SPEN: variants seen among roughly 807,000 people sequenced by gnomAD.
The protein encoded by SPEN is msx2-interacting protein.
A neutral mutation model predicts 269.9 loss-of-function variants in SPEN; 18 were observed. The observed-to-expected ratio is 0.07, with a 90% CI of 0.05 to 0.10. The LOEUF (loss-of-function observed/expected upper bound fraction) is 0.10, where lower values mean the gene tolerates loss of function less well. SPEN is among the 10% of genes least tolerant of loss of function. SPEN has a pLI of 1.00. For synonymous variants in SPEN, 1,726 were observed against 1,765.7 expected, an observed-to-expected ratio of 0.98 and a Z score of 0.56; for missense variants, 3,822 against 4,631.2, an observed-to-expected ratio of 0.83 and a Z score of 5.07.
At chr1:15,852,827 C>G (rs576532950) in intron 1 of SPEN, among the ~76,000 whole-genome samples, 12 of 152,286 alleles carry the variant, frequency 7.9e-5, no homozygotes, top group African/African-American at 2.9e-4. Flanking sequence ...TGAAAATATT[C>G]CATGAAAACC....
In SPEN at chr1:15,920,226, C is replaced by T. The variant is rs925418523; in HGVS notation, c.1636-644C>T. ...CTGGGATTACAGGTGTGTGCCACCA[C>T]GCCTGGCTAGTTTTGTATTTTTAGT... is the stretch of plus-strand genomic sequence containing the variant. On this transcript the variant is annotated intron_variant, in intron 8 of 14. Transcript: ENST00000375759. Among the ~76,000 whole-genome samples the T allele has an allele frequency of 8.5e-5, 13 of 152,260 alleles. 1 individual carries two copies. Among genetic ancestry groups the T allele is most frequent in the Admixed American group, 5.9e-4 (9 of 15,290 alleles).
In SPEN at chr1:15,935,669, C is replaced by G. The variant is rs1406717752; in HGVS notation, c.9429C>G (p.Ala3143=). The change falls in exon 11 of 15, where the codon GCC becomes GCG. Residue 3143 remains alanine, a synonymous_variant. Coordinates refer to ENST00000375759, the MANE Select transcript of SPEN (RefSeq NM_015001.3). The surrounding 1 kb of genome is among the most constrained non-coding windows in gnomAD (Gnocchi z 7.7). ...AGCGTGCCAGCACCCCGCAGCCAGC[C>G]CCAGCTGGTGTGCCTGCACTGGCCT... is the stretch of plus-strand genomic sequence containing the variant. ...APQRASTPQP[A]PAGVPALASQ... 1 of 1,613,848 alleles carries G rather than the reference C, an allele frequency of 6.2e-7. No homozygotes were observed. The highest frequency in any genetic ancestry group is 8.5e-7 in the Non-Finnish European group (1 of 1,179,994).
chr1:15,930,540 T>C lies in SPEN; in HGVS notation c.4300T>C (p.Phe1434Leu), dbSNP rs1325936625. The C allele has an allele frequency of 3.7e-6, 6 of 1,614,126 alleles. No homozygotes were observed. The highest frequency in any genetic ancestry group is 5.1e-6 in the Non-Finnish European group (6 of 1,180,020). Residue 1434 changes from phenylalanine (F) to leucine (L), a missense_variant, in exon 11 of 15, where the codon TTT becomes CTT. Coordinates refer to ENST00000375759, the MANE Select transcript of SPEN (RefSeq NM_015001.3). This position sits in a 1 kb window ranked among gnomAD's most constrained non-coding sequence, Gnocchi z 5.3. ...TTTAGAAAGGAACAAATTTTACTCTTTTGCATTGGATAAGACAATCACACC... is the reference window on the plus strand; with the variant it reads ...TTTAGAAAGGAACAAATTTTACTCTCTTGCATTGGATAAGACAATCACACC... ...SSLERNKFYSFALDKTITPDT... is the reference protein window; with the variant it reads ...SSLERNKFYSLALDKTITPDT...
intron 1 of SPEN, among the ~76,000 whole-genome samples, chr1:15,866,865 G>A (rs1363285826): frequency 6.6e-6 from 1 of 152,094 alleles, no homozygotes; most frequent in Non-Finnish European, 1.5e-5. Context: ...GTAGGATGTG[G>A]CATACAGTTG....
At chr1:15,927,314 A>C (rs1320016493) in intron 10 of SPEN, among the ~76,000 whole-genome samples, 5 of 152,204 alleles carry the variant, frequency 3.3e-5, no homozygotes, top group Non-Finnish European at 2.9e-5. Flanking sequence ...ACTGAGGCCA[A>C]GTACCTGCCT....
rs749337653 is a variant in SPEN, at chr1:15,932,278, C to A, written c.6038C>A (p.Ala2013Asp). 6 of 1,608,438 alleles carry A rather than the reference C, an allele frequency of 3.7e-6. No homozygotes were observed. The African/African-American group carries it at 6.7e-5, about 18-fold the overall frequency. Residue 2013 changes from alanine (A) to aspartate (D), a missense_variant, in exon 11 of 15, where the codon GCC (alanine) becomes GAC (aspartate). By Grantham distance (126) the Ala-to-Asp change is moderately radical (BLOSUM62 -2). This residue lies in a region of SPEN where 727 missense variants were observed against 737.9 expected (regional missense o/e 0.99). Coordinates refer to ENST00000375759, the MANE Select transcript of SPEN (RefSeq NM_015001.3). The surrounding 1 kb of genome is among the most constrained non-coding windows in gnomAD (Gnocchi z 4.2). ...EPKVDATRPEATTEVGPQIGV... is the reference protein window; with the variant it reads ...EPKVDATRPEDTTEVGPQIGV... ...AAGGTGGATGCTACACGTCCTGAGG[C>A]CACCACTGAGGTGGGCCCCCAAATA...
Position 15,930,891 on chromosome 1 carries a change from G to A in SPEN, c.4651G>A (p.Glu1551Lys), listed in dbSNP as rs1450581346. The A allele has an allele frequency of 3.7e-6, 6 of 1,614,056 alleles. No homozygotes were observed. Among genetic ancestry groups the A allele is most frequent in the Non-Finnish European group, 5.1e-6 (6 of 1,180,016 alleles). Residue 1551 changes from glutamate (E) to lysine (K), a missense_variant, in exon 11 of 15, where the codon GAA (glutamate) becomes AAA (lysine). Coordinates refer to ENST00000375759, the MANE Select transcript of SPEN (RefSeq NM_015001.3). The surrounding 1 kb of genome is among the most constrained non-coding windows in gnomAD (Gnocchi z 5.3). Reference sequence around the variant, plus strand: ...ATTGCAGCATCTAGAGAGAAAAGAGGAAGATTCTGACTTCATTTCTGGTAG... The same window carrying A: ...ATTGCAGCATCTAGAGAGAAAAGAGAAAGATTCTGACTTCATTTCTGGTAG... ...KRLQHLERKE[E>K]DSDFISGRIY...
Position 15,933,752 on chromosome 1 carries a change from G to A in SPEN, c.7512G>A (p.Arg2504=). Residue 2504 remains arginine, a synonymous_variant, in exon 11 of 15, where the codon AGG becomes AGA. Coordinates refer to ENST00000375759, the MANE Select transcript of SPEN (RefSeq NM_015001.3). This position sits in a 1 kb window ranked among gnomAD's most constrained non-coding sequence, Gnocchi z 5.7. ...CTAAGGTGACAGAGTGGATCACAAG[G>A]CAGGAGGAGCCACGGGCTCAGTCTA... is the stretch of plus-strand genomic sequence containing the variant. ...PPTKVTEWIT[R]QEEPRAQSTP... is the part of the protein sequence containing the mutation. The A allele has an allele frequency of 6.2e-7, 1 of 1,614,084 alleles. No individual in the cohort carries two copies. Among genetic ancestry groups the A allele is most frequent in the Non-Finnish European group, 8.5e-7 (1 of 1,180,042 alleles).
Position 15,911,241 on chromosome 1 carries a change from G to T in SPEN, c.1183G>T (p.Ala395Ser). Reference sequence around the variant, plus strand: ...AGAGGACCAAGAAAAAGCCTTGACTGCATCAAAAGGAAAACTTTTCTTTGG... The same window carrying T: ...AGAGGACCAAGAAAAAGCCTTGACTTCATCAAAAGGAAAACTTTTCTTTGG... ...QQEDQEKALT[A>S]SKGKLFFGMQ... Residue 395 changes from alanine (A) to serine (S), a missense_variant, in exon 5 of 15, where the codon GCA becomes TCA. Ala to Ser is a moderately conservative substitution (Grantham distance 99, BLOSUM62 1). Transcript: ENST00000375759. 2 of 1,614,116 alleles carry T rather than the reference G, an allele frequency of 1.2e-6. No homozygotes were observed. Among genetic ancestry groups the T allele is most frequent in the Non-Finnish European group, 8.5e-7 (1 of 1,180,008 alleles).
intron 4 of SPEN, among the ~76,000 whole-genome samples, chr1:15,910,116 T>A (rs1359356773): frequency 8.6e-6 from 1 of 116,346 alleles, no homozygotes; most frequent in Non-Finnish European, 1.6e-5. Context: ...AGAGCGAGAC[T>A]CTGTCTCTAA....
intron 3 of SPEN, among the ~76,000 whole-genome samples, chr1:15,899,597 C>G (rs910209784): frequency 3.7e-5 from 5 of 134,436 alleles, no homozygotes; most frequent in African/African-American, 1.4e-4. Context: ...AACTCGAACT[C>G]CTGGGCTCAT....
intron 1 of SPEN, among the ~76,000 whole-genome samples, chr1:15,868,488 G>A (rs1405347343): frequency 1.3e-5 from 2 of 150,546 alleles, no homozygotes; most frequent in East Asian, 1.9e-4. Context: ...AGGCTGGAGT[G>A]CAGTGGTGCG....
At chr1:15,850,478 A>T (rs2148699989) in intron 1 of SPEN, among the ~76,000 whole-genome samples, 1 of 152,156 alleles carries the variant, frequency 6.6e-6, no homozygotes, top group South Asian at 2.1e-4. Context: ...AAAGCATGTG[A>T]AAGGTATACA....
intron 1 of SPEN, among the ~76,000 whole-genome samples, chr1:15,857,844 T>C (rs1479258539): frequency 6.6e-6 from 1 of 151,954 alleles, no homozygotes; most frequent in Non-Finnish European, 1.5e-5. Context: ...AAATTTGTTT[T>C]AGAGACAAGG....
Position 15,931,222 on chromosome 1 carries a change from A to G in SPEN, c.4982A>G (p.Lys1661Arg). The G allele has an allele frequency of 6.2e-7, 1 of 1,614,222 alleles. No homozygotes were observed. Among genetic ancestry groups the G allele is most frequent in the Non-Finnish European group, 8.5e-7 (1 of 1,180,040 alleles). The change falls in exon 11 of 15, where the codon AAA becomes AGA. Residue 1661 changes from lysine to arginine, a missense_variant. Physicochemically the swap from Lys to Arg is conservative, Grantham distance 26 (BLOSUM62 2). Transcript: ENST00000375759. The surrounding 1 kb of genome is among the most constrained non-coding windows in gnomAD (Gnocchi z 4.8). ...PSALEKTTGD[K>R]TVEAPLVTEE... ...GCACTAGAGAAGACCACTGGTGACA[A>G]AACGGTAGAGGCGCCTTTGGTAACA...
intron 1 of SPEN, among the ~76,000 whole-genome samples, chr1:15,869,559 C>T (rs2070552043): frequency 6.6e-6 from 1 of 151,026 alleles, no homozygotes; most frequent in Non-Finnish European, 1.5e-5. Context: ...AAAACCAGCA[C>T]AAACATTTAT....
At chr1:15,901,507 G>C (rs1250463373) in intron 3 of SPEN, among the ~76,000 whole-genome samples, 1 of 151,676 alleles carries the variant, frequency 6.6e-6, no homozygotes, top group African/African-American at 2.4e-5. Flanking sequence ...GCTGGGCGTG[G>C]TGGTTCATAC....
rs1043973059 is a variant in SPEN at position 15,936,603 on chromosome 1, C to T, written c.10026+337C>T. On this transcript the variant is annotated intron_variant, in intron 11 of 14. Coordinates refer to ENST00000375759, the MANE Select transcript of SPEN (RefSeq NM_015001.3). ...GGCAGAGGTTGCATTGAACCAAGGT[C>T]GTGCCACTAGGCTCCAGTGACAGAG... 7.6e-5 allele frequency among the ~76,000 whole-genome samples: 11 copies of T among 145,374 alleles called. No individual in the cohort carries two copies. In the East Asian group the frequency reaches 1.0e-3, roughly 13 times the overall value.
rs781407526 is a variant in SPEN, at chr1:15,928,998, T to G, written c.2758T>G (p.Ser920Ala). The G allele has an allele frequency of 6.2e-7, 1 of 1,614,172 alleles. No homozygotes were observed. The highest frequency in any genetic ancestry group is 1.7e-5 in the Admixed American group (1 of 60,024). ...TGCCCTGGACCAGAAACTTCAGGTC[T>G]CTCAGACGGAGCCTGCAAAATCTGA... Reference protein sequence around the residue: ...SSALDQKLQVSQTEPAKSDLS... With the variant: ...SSALDQKLQVAQTEPAKSDLS... The change falls in exon 11 of 15, where the codon TCT becomes GCT. Residue 920 changes from serine (S) to alanine (A), a missense_variant. Ser to Ala is a moderately conservative substitution (Grantham distance 99). Coordinates refer to ENST00000375759, the MANE Select transcript of SPEN (RefSeq NM_015001.3). The surrounding 1 kb of genome is among the most constrained non-coding windows in gnomAD (Gnocchi z 5.7).
Sources: allele counts gnomAD v4.1 joint callset (sites outside exome capture counted in the v4.1 genomes callset), GRCh38; gene constraint gnomAD v4.1.1; regional missense constraint gnomAD v4.1.1; non-coding constraint Gnocchi (gnomAD v3.1); transcripts MANE v1.5; gene names NCBI Gene and HGNC (gene_info 2026-07-23, HGNC 2026-07-21).